FBXO21: variants seen among roughly 807,000 people sequenced by gnomAD.
FBXO21 encodes F-box protein 21.
FBXO21 carries 32 observed loss-of-function variants against 76.6 expected under a neutral mutation model. The ratio of observed to expected loss-of-function variants is 0.42; its 90% CI spans 0.32 to 0.56. FBXO21 has a LOEUF of 0.56. Among genes scored for constraint, FBXO21 ranks in the 20% least tolerant of loss-of-function variants. The probability of loss-of-function intolerance (pLI) is 0.16; values close to 1 mark genes in which losing one functional copy is unlikely to be tolerated. For missense variants in FBXO21, 586 were observed against 797.3 expected, an observed-to-expected ratio of 0.73 and a Z score of 3.19; for synonymous variants, 328 against 311.5, an observed-to-expected ratio of 1.05 and a Z score of -0.56.
intron 4 of FBXO21, among the ~76,000 whole-genome samples, chr12:117,176,680 C>T (rs1457891437): frequency 1.3e-5 from 2 of 152,040 alleles, no homozygotes; most frequent in Non-Finnish European, 2.9e-5. Flanking sequence ...CTGCATGAGA[C>T]TAGTTACAGA....
chr12:117,169,497 T>C (rs10850787), intron 7 of FBXO21, among the ~76,000 whole-genome samples: 6,589 of 151,854 alleles, frequency 0.043, 194 homozygotes, highest in Non-Finnish European at 0.064. Flanking sequence ...CAAAAAAATA[T>C]ACTTCTAAAC....
At chr12:117,150,106 C>G (rs1461938736) in intron 11 of FBXO21, among the ~76,000 whole-genome samples, 2 of 152,172 alleles carry the variant, frequency 1.3e-5, no homozygotes, top group South Asian at 2.1e-4. Flanking sequence ...AAGTTGGCAA[C>G]TATGTATTAT....
intron 7 of FBXO21, 131 bp from the exon 8 acceptor site, chr12:117,167,208 C>T: frequency 2.8e-6 from 2 of 721,256 alleles, no homozygotes; most frequent in Admixed American, 2.6e-5. Context: ...AGGTCTTGTC[C>T]AAGTTTAAAA....
At chr12:117,171,975 G>A (rs574026776) in intron 7 of FBXO21, among the ~76,000 whole-genome samples, 4 of 152,134 alleles carry the variant, frequency 2.6e-5, no homozygotes, top group East Asian at 1.9e-4. Flanking sequence ...GAAGGGGAAC[G>A]TGGCCACCCT....
intron 2 of FBXO21, 85 bp downstream of exon 2, chr12:117,189,142 A>G: frequency 6.6e-7 from 1 of 1,510,958 alleles, no homozygotes; most frequent in Non-Finnish European, 9.2e-7. Context: ...GGGAGATACG[A>G]AAAGAGCTGG....
intron 8 of FBXO21, among the ~76,000 whole-genome samples, chr12:117,166,556 C>T (rs1390922804): frequency 1.3e-5 from 2 of 152,152 alleles, no homozygotes; most frequent in African/African-American, 4.8e-5. Context: ...AAAACTATTA[C>T]TATAATATAG....
intron 2 of FBXO21, 47 bp from the exon 3 acceptor site, chr12:117,186,618 G>T: frequency 8.3e-7 from 1 of 1,200,484 alleles, no homozygotes; most frequent in Non-Finnish European, 1.2e-6. Flanking sequence ...GAGTATTGAT[G>T]CAACTCTCAC....
chr12:117,172,429 C>A, intron 7 of FBXO21, 42 bp downstream of exon 7: 1 of 1,595,478 alleles, frequency 6.3e-7, no homozygotes, highest in Non-Finnish European at 8.6e-7. Flanking sequence ...CACAGAGGGA[C>A]CAAATCTTCA....
chr12:117,167,637 AGG>A (rs1270627169), intron 7 of FBXO21, among the ~76,000 whole-genome samples: 1 of 151,838 alleles, frequency 6.6e-6, no homozygotes, highest in Non-Finnish European at 1.5e-5. Context: ...GCTACTCGGG[AGG>A]CTGAGGCAGA....
chr12:117,176,620 T>C (rs977897185), intron 4 of FBXO21, among the ~76,000 whole-genome samples: 1 of 152,172 alleles, frequency 6.6e-6, no homozygotes, highest in African/African-American at 2.4e-5. Context: ...GTAATGTTCA[T>C]GAAAGCAAGT....
chr12:117,180,714 C>T (rs1592894674), intron 3 of FBXO21, among the ~76,000 whole-genome samples: 1 of 152,276 alleles, frequency 6.6e-6, no homozygotes, highest in South Asian at 2.1e-4. Flanking sequence ...CAATCTCCGC[C>T]TCCCGGGTTC....
intron 3 of FBXO21, among the ~76,000 whole-genome samples, chr12:117,184,171 T>G (rs1223294044): frequency 6.7e-6 from 1 of 150,194 alleles, no homozygotes; most frequent in Non-Finnish European, 1.5e-5. Flanking sequence ...GACATCCAAA[T>G]GAAAGAAAAG....
At chr12:117,173,780 C>T (rs1956142370) in intron 6 of FBXO21, among the ~76,000 whole-genome samples, 1 of 152,142 alleles carries the variant, frequency 6.6e-6, no homozygotes, top group African/African-American at 2.4e-5. Context: ...TAAGTTTCAT[C>T]GAGCACTCAG....
rs1019769362 is a variant in FBXO21 at position 117,145,541 on chromosome 12, T to G, written c.*546A>C. 1 of 152,336 alleles carries G rather than the reference T, an allele frequency of 6.6e-6. No homozygotes were observed. The highest frequency in any genetic ancestry group is 2.1e-4 in the South Asian group (1 of 4,820). The allele number at this position is 152,336 out of a possible 1,614,324, so 9.4% of individuals were successfully genotyped here. A position where few individuals can be genotyped will look rare whatever the true frequency, so the allele number is the denominator to read the frequency against. ...TCAAATGATTCTAATTACCATTAGC[T>G]TGTTAATGTCTCCATCTCTAAGATG... On this transcript the variant is annotated 3_prime_UTR_variant, in exon 12 of 12. Coordinates refer to ENST00000622495, the MANE Select transcript of FBXO21 (RefSeq NM_015002.3).
chr12:117,162,475 A>G (rs970517017), intron 9 of FBXO21, among the ~76,000 whole-genome samples: 3 of 152,196 alleles, frequency 2.0e-5, no homozygotes, highest in Admixed American at 6.5e-5. Flanking sequence ...AAGAAAAATA[A>G]TATCTACCCT....
intron 9 of FBXO21, 29 bp downstream of exon 9, chr12:117,165,456 A>G: frequency 6.2e-7 from 1 of 1,606,014 alleles, no homozygotes; most frequent in East Asian, 2.2e-5. Flanking sequence ...TTCTAAGGCA[A>G]GTGCAAAGCA....
At chr12:117,187,179 G>C (rs1051163219) in intron 2 of FBXO21, among the ~76,000 whole-genome samples, 6 of 151,872 alleles carry the variant, frequency 4.0e-5, no homozygotes, top group Admixed American at 3.3e-4. Flanking sequence ...CCAGCACTTC[G>C]GGAGGCTGAG....
intron 3 of FBXO21, among the ~76,000 whole-genome samples, chr12:117,185,965 C>T (rs544039310): frequency 7.6e-4 from 116 of 152,274 alleles, no homozygotes; most frequent in Admixed American, 3.0e-3. Context: ...CTCCACCTCC[C>T]GGGTTCAAAT....
intron 7 of FBXO21, 45 bp from the exon 8 acceptor site, chr12:117,167,122 A>G: frequency 6.8e-7 from 1 of 1,474,252 alleles, no homozygotes. Flanking sequence ...ACAACTCATT[A>G]TTTTAAGTCT....
Sources: gnomAD v4.1 joint callset for allele counts (sites outside exome capture counted in the v4.1 genomes callset) on GRCh38, gnomAD v4.1.1 for gene constraint, MANE v1.5 for transcripts, NCBI Gene and HGNC (gene_info 2026-07-23, HGNC 2026-07-21) for gene names.